Variants in UQCC1 observed in about 807,000 individuals in gnomAD.
UQCC1 encodes the protein bFGF-repressed Zic-binding protein.
Under a neutral mutation model 48.0 loss-of-function variants are expected in UQCC1, and 38 were observed. That is an observed-to-expected ratio of 0.79 (90% CI 0.61 to 1.04). The LOEUF is 1.04. UQCC1 is among the 50% of genes least tolerant of loss of function. The probability of loss-of-function intolerance (pLI) is 0.00; values close to 1 mark genes in which losing one functional copy is unlikely to be tolerated. For missense variants in UQCC1, 368 were observed against 381.8 expected (o/e 0.96, Z 0.30); for synonymous variants, 111 against 129.2 (o/e 0.86, Z 0.95).
chr20:35,333,208 T>C (rs567196745), intron 7 of UQCC1, among the ~76,000 whole-genome samples: 1 of 152,320 alleles, frequency 6.6e-6, no homozygotes, highest in East Asian at 1.9e-4. Context: ...AGTTTTCTGC[T>C]CCTTGGTTCT....
chr20:35,396,518 T>C (rs1229337424), intron 1 of UQCC1, among the ~76,000 whole-genome samples: 1 of 152,064 alleles, frequency 6.6e-6, no homozygotes, highest in Non-Finnish European at 1.5e-5. Context: ...CTGATCTTCA[T>C]AGAATCCCTT....
intron 5 of UQCC1, among the ~76,000 whole-genome samples, chr20:35,372,460 G>T (rs1471365327): frequency 6.6e-6 from 1 of 152,126 alleles, no homozygotes; most frequent in Non-Finnish European, 1.5e-5. Flanking sequence ...AAAGAAGAAA[G>T]GAAAGGTGAA....
intron 1 of UQCC1, among the ~76,000 whole-genome samples, chr20:35,402,335 C>A (rs1238366647): frequency 6.6e-6 from 1 of 151,974 alleles, no homozygotes; most frequent in Non-Finnish European, 1.5e-5. Flanking sequence ...TCCCAGCACT[C>A]TGGGAGGCCG....
At chr20:35,349,763 A>C (rs1159906908) in intron 6 of UQCC1, among the ~76,000 whole-genome samples, 1 of 152,220 alleles carries the variant, frequency 6.6e-6, no homozygotes, top group Non-Finnish European at 1.5e-5. Context: ...TTGGGAGGCC[A>C]AGGCAGGAAA....
chr20:35,312,671 T>A (rs2061007462), intron 8 of UQCC1, among the ~76,000 whole-genome samples: 1 of 152,180 alleles, frequency 6.6e-6, no homozygotes, highest in Non-Finnish European at 1.5e-5. Flanking sequence ...TATGGTTAGT[T>A]TAAAATATCA....
intron 7 of UQCC1, among the ~76,000 whole-genome samples, chr20:35,326,688 T>C (rs2061198665): frequency 6.6e-6 from 1 of 152,176 alleles, no homozygotes; most frequent in Non-Finnish European, 1.5e-5. Flanking sequence ...CACACTCAGG[T>C]TTCCAGAGAC....
intron 5 of UQCC1, among the ~76,000 whole-genome samples, chr20:35,372,776 C>T (rs551864262): frequency 9.2e-5 from 14 of 152,142 alleles, no homozygotes; most frequent in African/African-American, 3.4e-4. Context: ...GGCTGAGGAA[C>T]AAGAATCACT....
chr20:35,338,124 G>A (rs972140761), intron 7 of UQCC1, among the ~76,000 whole-genome samples: 10 of 151,994 alleles, frequency 6.6e-5, no homozygotes, highest in Non-Finnish European at 1.5e-4. Context: ...GACTCTAAAC[G>A]ATGGAAAAAG....
chr20:35,393,137 G>A (rs2062032168), intron 2 of UQCC1, among the ~76,000 whole-genome samples: 1 of 152,044 alleles, frequency 6.6e-6, no homozygotes, highest in Non-Finnish European at 1.5e-5. Context: ...CATTGCTGGT[G>A]GCAGCATAAA....
Position 35,381,604 on chromosome 20 carries a change from C to T in UQCC1, c.333+314G>A, listed in dbSNP as rs147876645. On this transcript the variant is annotated intron_variant, in intron 4 of 9. Transcript: ENST00000374385. Reference sequence around the variant, plus strand: ...CTTGGGAGGTTCTGGCAGGGGAGTGCAGCTACTCATATACCCTTGATCAAA... The same window carrying T: ...CTTGGGAGGTTCTGGCAGGGGAGTGTAGCTACTCATATACCCTTGATCAAA... Among the ~76,000 whole-genome samples the T allele has an allele frequency of 2.0e-5, 3 of 152,274 alleles. No homozygotes were observed. In the East Asian group the frequency reaches 5.8e-4, roughly 29 times the overall value.
intron 7 of UQCC1, among the ~76,000 whole-genome samples, chr20:35,329,878 A>G (rs2061238246): frequency 6.6e-6 from 1 of 152,198 alleles, no homozygotes. Context: ...CAAAGACGCT[A>G]TTTACAGAAA....
intron 1 of UQCC1, among the ~76,000 whole-genome samples, chr20:35,397,528 AG>A (rs2062099246): frequency 2.6e-5 from 4 of 151,418 alleles, no homozygotes; most frequent in African/African-American, 7.3e-5. Flanking sequence ...AAAAAAAAAA[AG>A]AAAAAAGAAA....
intron 2 of UQCC1, among the ~76,000 whole-genome samples, chr20:35,392,561 T>G (rs1011820677): frequency 6.6e-6 from 1 of 152,194 alleles, no homozygotes; most frequent in African/African-American, 2.4e-5. Flanking sequence ...CAAATACTAT[T>G]AAAAATTTGT....
At chr20:35,314,917 A>T (rs1186937340) in intron 7 of UQCC1, 152 bp from the exon 8 acceptor site, 1 of 525,592 alleles carries the variant, frequency 1.9e-6, no homozygotes, top group Admixed American at 3.1e-5. Flanking sequence ...CAATTCCCTG[A>T]TGTGTCAGGA....
At chr20:35,325,862 C>CA (rs1167884301) in intron 7 of UQCC1, among the ~76,000 whole-genome samples, 4 of 148,970 alleles carry the variant, frequency 2.7e-5, no homozygotes, top group Non-Finnish European at 4.5e-5. Flanking sequence ...AAAAAAAAAA[C>CA]AAAAAAACAC....
chr20:35,386,099 T>C (rs2061939501), intron 2 of UQCC1, among the ~76,000 whole-genome samples: 1 of 152,038 alleles, frequency 6.6e-6, no homozygotes, highest in Non-Finnish European at 1.5e-5. Flanking sequence ...TGTATAAAAT[T>C]ATAGGTAAAA....
At chr20:35,403,307 A>G (rs2062196553) in intron 1 of UQCC1, among the ~76,000 whole-genome samples, 1 of 152,192 alleles carries the variant, frequency 6.6e-6, no homozygotes, top group Non-Finnish European at 1.5e-5. Flanking sequence ...GGCTTTTAAT[A>G]TATAAAGAAA....
intron 7 of UQCC1, among the ~76,000 whole-genome samples, chr20:35,333,658 G>A (rs1264941857): frequency 6.6e-6 from 1 of 151,810 alleles, no homozygotes; most frequent in Non-Finnish European, 1.5e-5. Context: ...CGGCTCTCCA[G>A]AGTCCTGCTG....
chr20:35,342,369 C>A (rs2061390661), intron 7 of UQCC1, among the ~76,000 whole-genome samples: 1 of 152,166 alleles, frequency 6.6e-6, no homozygotes, highest in Non-Finnish European at 1.5e-5. Flanking sequence ...GAGCCACTGC[C>A]GTGAGCTAAT....
Sources: allele counts gnomAD v4.1 joint callset (sites outside exome capture counted in the v4.1 genomes callset), GRCh38; gene constraint gnomAD v4.1.1; transcripts MANE v1.5; gene names NCBI Gene and HGNC (gene_info 2026-07-23, HGNC 2026-07-21).